ANKS1B: variants seen among roughly 807,000 people sequenced by gnomAD.
The protein encoded by ANKS1B is ankyrin repeat and sterile alpha motif domain-containing protein 1B.
A neutral mutation model predicts 148.3 loss-of-function variants in ANKS1B; 36 were observed. That is an observed-to-expected ratio of 0.24 (90% CI 0.19 to 0.32). ANKS1B has a LOEUF of 0.32. Ranked by LOEUF, ANKS1B falls within the 10% of genes least tolerant of loss-of-function variation. ANKS1B has a pLI of 1.00. For missense variants in ANKS1B, 1,157 were observed against 1,542.6 expected (o/e 0.75, Z 4.19); for synonymous variants, 542 against 560.8 (o/e 0.97, Z 0.47).
chr12:99,697,948 C>T (rs1415201077), intron 8 of ANKS1B, among the ~76,000 whole-genome samples: 2 of 151,810 alleles, frequency 1.3e-5, no homozygotes, highest in African/African-American at 2.4e-5. Context: ...TGTATGCATA[C>T]ATAGCATGCT....
At chr12:99,470,417 T>C (rs184184498) in intron 10 of ANKS1B, among the ~76,000 whole-genome samples, 7 of 152,236 alleles carry the variant, frequency 4.6e-5, no homozygotes, top group Admixed American at 3.9e-4. Flanking sequence ...TCATGATTTG[T>C]TATGGAGTTT....
chr12:98,888,672 T>C (rs1195466930), intron 17 of ANKS1B, among the ~76,000 whole-genome samples: 1 of 152,230 alleles, frequency 6.6e-6, no homozygotes, highest in Non-Finnish European at 1.5e-5. Context: ...GCCTGGGGTG[T>C]TCTTTCTCCA....
At chr12:99,109,791 C>T (rs1435875020) in intron 15 of ANKS1B, among the ~76,000 whole-genome samples, 1 of 152,154 alleles carries the variant, frequency 6.6e-6, no homozygotes, top group Non-Finnish European at 1.5e-5. Context: ...TTAACCAATA[C>T]ACTAAAGCAT....
chr12:98,920,932 A>G (rs768275718), intron 17 of ANKS1B, among the ~76,000 whole-genome samples: 43 of 152,374 alleles, frequency 2.8e-4, no homozygotes, highest in Middle Eastern at 3.4e-3. Flanking sequence ...AAAGCTAAGG[A>G]TGAAAGCAAG....
In ANKS1B at chr12:98,801,873, G is replaced by A. The variant is rs1285701820; in HGVS notation, c.3142-748C>T. ...ATCATATGATACAGACCTAAAACAG[G>A]AGGACCTCCCATCATTTCATTTATC... On this transcript the variant is annotated intron_variant, in intron 20 of 26. Coordinates refer to ENST00000683438, the MANE Select transcript of ANKS1B (RefSeq NM_001352186.2). The surrounding 1 kb of genome is among the most constrained non-coding windows in gnomAD (Gnocchi z 5.2). Among the ~76,000 whole-genome samples, 2 of 152,148 alleles carry A rather than the reference G, an allele frequency of 1.3e-5. No homozygotes were observed. The highest frequency in any genetic ancestry group is 6.6e-5 in the Admixed American group (1 of 15,264).
intron 14 of ANKS1B, among the ~76,000 whole-genome samples, chr12:99,202,465 T>G (rs1024977471): frequency 2.6e-5 from 4 of 152,322 alleles, no homozygotes; most frequent in South Asian, 2.1e-4. Flanking sequence ...GATGGTTAGT[T>G]CTCATTTCAG....
intron 8 of ANKS1B, among the ~76,000 whole-genome samples, chr12:99,729,823 T>C (rs1416053514): frequency 6.6e-6 from 1 of 152,238 alleles, no homozygotes; most frequent in African/African-American, 2.4e-5. Context: ...CTGGACTATT[T>C]TAGTGATGTT....
intron 15 of ANKS1B, among the ~76,000 whole-genome samples, chr12:99,100,961 T>C (rs914205974): frequency 3.3e-5 from 5 of 152,082 alleles, no homozygotes; most frequent in Non-Finnish European, 4.4e-5. Flanking sequence ...TGCTAAATGA[T>C]GAGGAAAAGT....
At chr12:99,877,985 A>C (rs2092235277) in intron 1 of ANKS1B, among the ~76,000 whole-genome samples, 1 of 152,166 alleles carries the variant, frequency 6.6e-6, no homozygotes, top group Non-Finnish European at 1.5e-5. Flanking sequence ...ATTTGAGCCC[A>C]GGAAGTGGAG....
intron 12 of ANKS1B, among the ~76,000 whole-genome samples, chr12:99,259,669 T>C (rs1457699746): frequency 6.6e-6 from 1 of 152,204 alleles, no homozygotes; most frequent in Non-Finnish European, 1.5e-5. Flanking sequence ...ACTAAATTAT[T>C]GTATCTTTTT....
intron 25 of ANKS1B, among the ~76,000 whole-genome samples, chr12:98,766,698 T>C (rs1287067147): frequency 6.6e-6 from 1 of 152,246 alleles, no homozygotes; most frequent in African/African-American, 2.4e-5. Context: ...CATCTTTAAG[T>C]TCTCACTTTG....
At chr12:99,269,838 C>A (rs184678908) in intron 12 of ANKS1B, among the ~76,000 whole-genome samples, 1 of 152,242 alleles carries the variant, frequency 6.6e-6, no homozygotes, top group East Asian at 1.9e-4. Flanking sequence ...GGATTACAGG[C>A]GTGAGCCACT....
rs762642387 is a variant in ANKS1B at position 98,830,940 on chromosome 12, A to ATTTTTTTTTTTTTTTTTTTTTTTTTTTT, written c.2886+1088_2886+1089insAAAAAAAAAAAAAAAAAAAAAAAAAAAA. The ATTTTTTTTTTTTTTTTTTTTTTTTTTTT allele has an allele frequency of 1.5e-4, 7 of 45,528 alleles. 3 individuals carry two copies. The highest frequency in any genetic ancestry group is 2.7e-4 in the Non-Finnish European group (7 of 26,030). The allele number at this position is 45,528 out of a possible 1,614,324, so 2.8% of individuals were successfully genotyped here. ...GTTCTCTTTAGTTTCCTACCTCATA[A>ATTTTTTTTTTTTTTTTTTTTTTTTTTTT]TTTTTTTTTTTTTTTTTTTTTTTTT... On this transcript the variant is annotated intron_variant, in intron 18 of 26. Transcript: ENST00000683438.
intron 24 of ANKS1B, among the ~76,000 whole-genome samples, chr12:98,778,959 T>A (rs2153506106): frequency 6.6e-6 from 1 of 151,978 alleles, no homozygotes; most frequent in South Asian, 2.1e-4. Context: ...TATAGCCAGT[T>A]GAAATTAACA....
intron 17 of ANKS1B, among the ~76,000 whole-genome samples, chr12:98,850,033 T>C (rs1033240759): frequency 6.6e-6 from 1 of 152,214 alleles, no homozygotes; most frequent in Admixed American, 6.5e-5. Context: ...TTTGTCTGAT[T>C]ACTTCCGTTT....
chr12:98,894,775 G>T, intron 17 of ANKS1B: 1 of 985,144 alleles, frequency 1.0e-6, no homozygotes, highest in Non-Finnish European at 1.2e-6. Context: ...GAATGCGAGC[G>T]GCGAGGCGAG....
intron 8 of ANKS1B, among the ~76,000 whole-genome samples, chr12:99,761,688 T>C (rs2062131933): frequency 6.6e-6 from 1 of 152,034 alleles, no homozygotes; most frequent in South Asian, 2.1e-4. Context: ...GTACTGAAAG[T>C]CCTAGCTGGA....
intron 15 of ANKS1B, among the ~76,000 whole-genome samples, chr12:99,131,253 G>T (rs1212846134): frequency 6.6e-6 from 1 of 152,146 alleles, no homozygotes; most frequent in Admixed American, 6.5e-5. Context: ...TTATTATCTT[G>T]CACGAGATTT....
At chr12:99,748,419 T>C (rs2060804094) in intron 8 of ANKS1B, among the ~76,000 whole-genome samples, 1 of 152,022 alleles carries the variant, frequency 6.6e-6, no homozygotes, top group Non-Finnish European at 1.5e-5. Context: ...GAAGAGATTT[T>C]TTTTTTTAGA....
Sources: gnomAD v4.1 joint callset for allele counts (sites outside exome capture counted in the v4.1 genomes callset) on GRCh38, gnomAD v4.1.1 for gene constraint, Gnocchi (gnomAD v3.1) non-coding constraint, MANE v1.5 for transcripts, NCBI Gene and HGNC (gene_info 2026-07-23, HGNC 2026-07-21) for gene names.